TUBGCP3: variants seen among roughly 807,000 people sequenced by gnomAD.
The protein encoded by TUBGCP3 is gamma-tubulin complex component 3.
TUBGCP3 carries 50 observed loss-of-function variants against 123.1 expected under a neutral mutation model. That is an observed-to-expected ratio of 0.41 (90% CI 0.32 to 0.51). The LOEUF is 0.51. Among genes scored for constraint, TUBGCP3 ranks in the 20% least tolerant of loss-of-function variants. The pLI, the probability that TUBGCP3 is intolerant of heterozygous loss-of-function variation, is 0.36. For synonymous variants in TUBGCP3, 405 were observed against 413.9 expected (o/e 0.98, Z 0.26); for missense variants, 882 against 1,127.0 (o/e 0.78, Z 3.11).
chr13:112,516,575 C>T lies in TUBGCP3; in HGVS notation c.1951G>A (p.Val651Met). The T allele has an allele frequency of 2.5e-6, 4 of 1,612,454 alleles. No individual in the cohort carries two copies. The highest frequency in any genetic ancestry group is 3.4e-6 in the Non-Finnish European group (4 of 1,179,268). Residue 651 changes from valine (V) to methionine (M), a missense_variant and splice_region_variant, in exon 17 of 22, where the codon GTG (valine) becomes ATG (methionine). Val to Met is a conservative substitution (Grantham distance 21). Around this residue, in one of 3 missense-constraint regions of TUBGCP3, gnomAD observed 713 missense variants for 874.0 expected, o/e 0.82. Coordinates refer to ENST00000261965, the MANE Select transcript of TUBGCP3 (RefSeq NM_006322.6). The stretch of plus-strand genomic sequence containing the variant: ...TGGCTCATACATTCTCGAGTAAACA[C>T]CTGGGATAACAGCAGAAGACAAGTT... Reference protein sequence around the residue: ...DYHVDGPIATVFTRECMSHYL... With the variant: ...DYHVDGPIATMFTRECMSHYL...
In TUBGCP3 at chr13:112,520,003, T is replaced by C. The variant is rs1876478428; in HGVS notation, c.1764A>G (p.Pro588=). 2.5e-6 allele frequency: 4 copies of C among 1,613,820 alleles called. No homozygotes were observed. In the African/African-American group the frequency reaches 5.3e-5, roughly 22 times the overall value. ...AGTTATGCTGATACAAAGTCGTAGCTGGACGGACAAGTTCTGGTCTTAACA... is the reference window on the plus strand; with the variant it reads ...AGTTATGCTGATACAAAGTCGTAGCCGGACGGACAAGTTCTGGTCTTAACA... ...MDLLKPELVR[P]ATTLYQHNLT... Residue 588 remains proline (P), a synonymous_variant, in exon 15 of 22, where the codon CCA becomes CCG. Coordinates refer to ENST00000261965, the MANE Select transcript of TUBGCP3 (RefSeq NM_006322.6).
chr13:112,492,896 C>T (rs1880209716), intron 20 of TUBGCP3, among the ~76,000 whole-genome samples: 1 of 146,442 alleles, frequency 6.8e-6, no homozygotes, highest in African/African-American at 2.6e-5. Flanking sequence ...GACACTCTAG[C>T]TTTGGGAACG....
At position 112,545,919 on chromosome 13, in the gene TUBGCP3, C is replaced by T; in HGVS notation, c.1169-54G>A. 7.6e-6 allele frequency: 12 copies of T among 1,570,444 alleles called. No individual in the cohort carries two copies. The South Asian group carries it at 9.0e-5, about 12-fold the overall frequency. ...AACATCCACATTTACACTCATAGTACACACCAGTCACTTCTCACCAACCAA... is the reference window on the plus strand; with the variant it reads ...AACATCCACATTTACACTCATAGTATACACCAGTCACTTCTCACCAACCAA... On this transcript the variant is annotated intron_variant, in intron 10 of 21. Transcript: ENST00000261965. This position sits in a 1 kb window ranked among gnomAD's most constrained non-coding sequence, Gnocchi z 4.1.
chr13:112,554,342 T>C (rs1285603726), intron 7 of TUBGCP3, among the ~76,000 whole-genome samples, 160 bp from the exon 8 acceptor site: 1 of 152,140 alleles, frequency 6.6e-6, no homozygotes, highest in East Asian at 1.9e-4. Context: ...GGAAAGCACA[T>C]TAAGTGACAG....
At chr13:112,499,509 G>T (rs1880757454) in intron 19 of TUBGCP3, among the ~76,000 whole-genome samples, 1 of 152,004 alleles carries the variant, frequency 6.6e-6, no homozygotes, top group Non-Finnish European at 1.5e-5. Flanking sequence ...ATGAAGTTCT[G>T]CCCAAATTTC....
chr13:112,567,853 A>C (rs902538802), intron 2 of TUBGCP3, among the ~76,000 whole-genome samples: 3 of 152,202 alleles, frequency 2.0e-5, no homozygotes, highest in Non-Finnish European at 2.9e-5. Flanking sequence ...GGGGTGGAAA[A>C]CTGTGCCACG....
At chr13:112,584,350 A>C (rs891844183) in intron 1 of TUBGCP3, among the ~76,000 whole-genome samples, 10 of 152,232 alleles carry the variant, frequency 6.6e-5, no homozygotes, top group African/African-American at 1.9e-4. Context: ...AAAATAGTAA[A>C]TCCATCAAGT....
chr13:112,522,981 T>C (rs1016662765), intron 13 of TUBGCP3, among the ~76,000 whole-genome samples: 1 of 152,194 alleles, frequency 6.6e-6, no homozygotes, highest in African/African-American at 2.4e-5. Flanking sequence ...GGTGGAGATG[T>C]CTAGGGGACA....
intron 14 of TUBGCP3, 112 bp downstream of exon 14, chr13:112,522,208 T>C (rs1876683524): frequency 9.9e-7 from 1 of 1,007,582 alleles, no homozygotes; most frequent in South Asian, 3.1e-5. Flanking sequence ...TTAAAAAGTA[T>C]GCTCGAAGAA....
intron 11 of TUBGCP3, among the ~76,000 whole-genome samples, chr13:112,542,777 G>A (rs1048570367): frequency 2.6e-5 from 4 of 152,076 alleles, no homozygotes; most frequent in Non-Finnish European, 4.4e-5. Context: ...TCTTGACTTC[G>A]ATAGTGACTT....
intron 21 of TUBGCP3, among the ~76,000 whole-genome samples, chr13:112,486,594 A>G (rs1393017972): frequency 6.6e-6 from 1 of 152,246 alleles, no homozygotes; most frequent in African/African-American, 2.4e-5. Context: ...AATTGAGAGC[A>G]TCAGTCGGGT....
At chr13:112,501,765 G>A (rs1025405483) in intron 19 of TUBGCP3, among the ~76,000 whole-genome samples, 11 of 152,046 alleles carry the variant, frequency 7.2e-5, no homozygotes, top group East Asian at 3.8e-4. Context: ...TGAAGCCTCC[G>A]GCATGACACC....
chr13:112,580,266 T>C (rs560705246), intron 1 of TUBGCP3, among the ~76,000 whole-genome samples: 1 of 152,214 alleles, frequency 6.6e-6, no homozygotes, highest in East Asian at 1.9e-4. Flanking sequence ...ACAATTTAAA[T>C]GCAAGCTAGA....
chr13:112,488,598 G>A (rs111948119), intron 21 of TUBGCP3, among the ~76,000 whole-genome samples: 335 of 150,616 alleles, frequency 2.2e-3, no homozygotes, highest in African/African-American at 8.0e-3. Flanking sequence ...GGAGCGCAGG[G>A]GCCACCCCCA....
chr13:112,581,423 C>G (rs2139326287), intron 1 of TUBGCP3, among the ~76,000 whole-genome samples: 1 of 151,978 alleles, frequency 6.6e-6, no homozygotes, highest in African/African-American at 2.4e-5. Context: ...TGAAAAGTTT[C>G]CTTTAAAAGT....
At chr13:112,495,893 A>G (rs969803022) in intron 20 of TUBGCP3, among the ~76,000 whole-genome samples, 10 of 152,242 alleles carry the variant, frequency 6.6e-5, no homozygotes, top group Admixed American at 5.9e-4. Context: ...ACATTACCAC[A>G]TAGAATTTGA....
chr13:112,518,860 G>T, intron 16 of TUBGCP3, 115 bp downstream of exon 16: 2 of 848,990 alleles, frequency 2.4e-6, no homozygotes, highest in Non-Finnish European at 3.9e-6. Context: ...GTAGATCTTA[G>T]ATGTCGAGTG....
At chr13:112,531,914 G>A (rs979377380) in intron 11 of TUBGCP3, among the ~76,000 whole-genome samples, 5 of 151,976 alleles carry the variant, frequency 3.3e-5, no homozygotes, top group East Asian at 1.9e-4. Flanking sequence ...TATGTCAAAC[G>A]CAGAAAGAAT....
chr13:112,540,072 A>G (rs57070110), intron 11 of TUBGCP3, among the ~76,000 whole-genome samples: 2 of 147,708 alleles, frequency 1.4e-5, no homozygotes, highest in African/African-American at 2.5e-5. Context: ...ACACCTGGGA[A>G]TGAGGACGTC....
Sources: gnomAD v4.1 joint callset for allele counts (sites outside exome capture counted in the v4.1 genomes callset) on GRCh38, gnomAD v4.1.1 for gene constraint, gnomAD v4.1.1 regional missense constraint, Gnocchi (gnomAD v3.1) non-coding constraint, MANE v1.5 for transcripts, NCBI Gene and HGNC (gene_info 2026-07-23, HGNC 2026-07-21) for gene names.